Variants in ZNF286A observed in about 807,000 individuals in gnomAD.
ZNF286A encodes the protein zinc finger protein 286A.
In ZNF286A, 34 loss-of-function variants were observed where a neutral mutation model predicts 49.3. That is an observed-to-expected ratio of 0.69 (90% CI 0.52 to 0.92). ZNF286A has a LOEUF of 0.92. Ranked by LOEUF, ZNF286A falls within the 40% of genes least tolerant of loss-of-function variation. The pLI is 0.00. For synonymous variants in ZNF286A, 155 were observed against 200.4 expected (o/e 0.77, Z 1.91); for missense variants, 462 against 600.2 (o/e 0.77, Z 2.41).
Position 15,699,851 on chromosome 17 carries a change from G to C in ZNF286A, c.-196+74G>C, listed in dbSNP as rs1989628121. On this transcript the variant is annotated intron_variant, in intron 1 of 5. Coordinates refer to ENST00000583566, the MANE Select transcript of ZNF286A (RefSeq NM_001130842.2). ...GGTTCCCCGGGTCGTTCTGTGCCGA[G>C]TCGGGGCTAGAGTGCGCGTTTGTTA... The C allele has an allele frequency of 7.1e-6, 5 of 702,396 alleles. No individual in the cohort carries two copies. The Admixed American group carries it at 1.0e-4, about 14-fold the overall frequency. 43.5% of individuals were successfully genotyped at this position (702,396 alleles called of 1,614,324 possible).
intron 5 of ZNF286A, chr17:15,709,872 A>C (rs1417941213): frequency 6.5e-7 from 1 of 1,545,734 alleles, no homozygotes; most frequent in African/African-American, 1.4e-5. Context: ...GAGCTGGTTT[A>C]GGGAGATAAC....
rs1416340888 is a variant in ZNF286A at position 15,718,382 on chromosome 17, T to G, written c.*1092T>G. 6.7e-6 allele frequency: 1 copy of G among 149,358 alleles called. No individual in the cohort carries two copies. Among genetic ancestry groups the G allele is most frequent in the South Asian group, 2.2e-4 (1 of 4,582 alleles). The allele number at this position is 149,358 out of a possible 1,614,324, so 9.3% of individuals were successfully genotyped here. ...GTCCTTCCTTTCTTATCCTTGGCAC[T>G]GAATAAATCTTTGGTTTTCCATAAT... On this transcript the variant is annotated 3_prime_UTR_variant, in exon 6 of 6. Transcript: ENST00000583566.
At position 15,716,454 on chromosome 17, in the gene ZNF286A, A is replaced by C; in HGVS notation, c.730A>C (p.Lys244Gln). 6.2e-7 allele frequency: 1 copy of C among 1,613,624 alleles called. No individual in the cohort carries two copies. Among genetic ancestry groups the C allele is most frequent in the Non-Finnish European group, 8.5e-7 (1 of 1,179,872 alleles). ...QRTYKEKKPH[K>Q]CNDCGELFTY... ...AACTTATAAAGAGAAAAAACCTCAT[A>C]AATGTAATGATTGTGGTGAACTCTT... Residue 244 changes from lysine to glutamine, a missense_variant, in exon 6 of 6, where the codon AAA (lysine) becomes CAA (glutamine). Physicochemically the swap from Lys to Gln is moderately conservative, Grantham distance 53. This residue lies in a region of ZNF286A where 259 missense variants were observed against 272.2 expected (regional missense o/e 0.95). Transcript: ENST00000583566.
At position 15,716,399 on chromosome 17, in the gene ZNF286A, A is replaced by G. The variant is rs1967054173; in HGVS notation, c.675A>G (p.Lys225=). ...YAFHTLEKSL[K]QKSNLMKKQR... is the part of the protein sequence containing the mutation. ...TCCATACACTTGAAAAAAGCTTGAA[A>G]CAAAAATCAAACTTAATGAAAAAGC... The change falls in exon 6 of 6, where the codon AAA becomes AAG. Residue 225 remains lysine, a synonymous_variant. Transcript: ENST00000583566. 27 of 1,613,534 alleles carry G rather than the reference A, an allele frequency of 1.7e-5. No homozygotes were observed. The highest frequency in any genetic ancestry group is 2.2e-5 in the Non-Finnish European group (26 of 1,179,826).
At chr17:15,706,853 A>G (rs9915827) in intron 4 of ZNF286A, among the ~76,000 whole-genome samples, 19,061 of 152,078 alleles carry the variant, frequency 0.13, 1,791 homozygotes, top group African/African-American at 0.26. Flanking sequence ...TATTCCTAGG[A>G]TTTCCCCATG....
chr17:15,716,124 T>C lies in ZNF286A; in HGVS notation c.400T>C (p.Cys134Arg), dbSNP rs765388772. 21 of 1,613,890 alleles carry C rather than the reference T, an allele frequency of 1.3e-5. 1 individual carries two copies. In the South Asian group the frequency reaches 2.1e-4, roughly 16 times the overall value. The change falls in exon 6 of 6, where the codon TGC becomes CGC. Residue 134 changes from cysteine to arginine, a missense_variant. By Grantham distance (180) the Cys-to-Arg change is radical. This residue lies in a region of ZNF286A where 259 missense variants were observed against 272.2 expected (regional missense o/e 0.95). Coordinates refer to ENST00000583566, the MANE Select transcript of ZNF286A (RefSeq NM_001130842.2). Reference protein sequence around the residue: ...SVQDFSKAESCKVAIIDRLTR... With the variant: ...SVQDFSKAESRKVAIIDRLTR... ...GCAAGATTTTTCCAAAGCAGAATCA[T>C]GCAAAGTTGCAATAATAGACAGACT...
rs755183214 is a variant in ZNF286A at position 15,699,765 on chromosome 17, C to T, written c.-208C>T. ...AAAGAAGTTCGTCCCCTTTGTGAGG[C>T]CCGGGATGGGAGGTGAGTTGCTTGT... On this transcript the variant is annotated 5_prime_UTR_variant, in exon 1 of 6. Coordinates refer to ENST00000583566, the MANE Select transcript of ZNF286A (RefSeq NM_001130842.2). 61 of 702,786 alleles carry T rather than the reference C, an allele frequency of 8.7e-5. No individual in the cohort carries two copies. The highest frequency in any genetic ancestry group is 6.2e-4 in the Admixed American group (31 of 49,994). The allele number at this position is 702,786 out of a possible 1,614,324, so 43.5% of individuals were successfully genotyped here. A position where few individuals can be genotyped will look rare whatever the true frequency, so the allele number is the denominator to read the frequency against.
intron 3 of ZNF286A, chr17:15,704,705 G>A: frequency 1.9e-6 from 3 of 1,613,858 alleles, no homozygotes; most frequent in Non-Finnish European, 2.5e-6. Context: ...TCCTTCCCCA[G>A]CAGGAGTTTC....
intron 3 of ZNF286A, chr17:15,704,329 G>T: frequency 6.2e-7 from 1 of 1,610,868 alleles, no homozygotes; most frequent in South Asian, 1.1e-5. Flanking sequence ...GGGACCCTCA[G>T]CCCCTCCCAG....
intron 4 of ZNF286A, among the ~76,000 whole-genome samples, chr17:15,707,379 G>A (rs984362356): frequency 2.0e-5 from 3 of 150,836 alleles, no homozygotes; most frequent in African/African-American, 4.9e-5. Flanking sequence ...GGCGGAGCTT[G>A]CAGTGAGCCG....
chr17:15,714,017 C>T (rs1966897950), intron 5 of ZNF286A, among the ~76,000 whole-genome samples: 2 of 152,004 alleles, frequency 1.3e-5, no homozygotes, highest in South Asian at 4.2e-4. Context: ...CAAATGATTG[C>T]ATGGTATATT....
At chr17:15,704,609 C>A in intron 3 of ZNF286A, 1 of 1,614,048 alleles carries the variant, frequency 6.2e-7, no homozygotes, top group South Asian at 1.1e-5. Flanking sequence ...CTCTTGAGCA[C>A]GTTGACGCAG....
intron 5 of ZNF286A, among the ~76,000 whole-genome samples, chr17:15,715,218 A>AT (rs893026048): frequency 6.7e-5 from 10 of 149,042 alleles, no homozygotes; most frequent in East Asian, 5.9e-4. Context: ...TCCTTTTTTT[A>AT]TTTTTTTTTA....
At chr17:15,704,914 C>T (rs1373949336) in intron 3 of ZNF286A, 52 of 1,580,214 alleles carry the variant, frequency 3.3e-5, no homozygotes, top group Non-Finnish European at 4.1e-5. Flanking sequence ...TGCGGCCGGC[C>T]GGGGGCGGGT....
At chr17:15,709,581 A>G (rs1419868360) in intron 5 of ZNF286A, among the ~76,000 whole-genome samples, 1 of 152,010 alleles carries the variant, frequency 6.6e-6, no homozygotes, top group Non-Finnish European at 1.5e-5. Context: ...GGTGTGAATC[A>G]TTTCGGTGTT....
chr17:15,704,735 CA>C (rs1193907659), intron 3 of ZNF286A: 1 of 1,612,924 alleles, frequency 6.2e-7, no homozygotes, highest in Non-Finnish European at 8.5e-7. Flanking sequence ...AGACCTCCAG[CA>C]TATGGGGTCC....
chr17:15,711,078 AT>A (rs552645244), intron 5 of ZNF286A, among the ~76,000 whole-genome samples: 7 of 151,136 alleles, frequency 4.6e-5, no homozygotes, highest in South Asian at 4.2e-4. Context: ...AACCCGGCTA[AT>A]TTTTTTTTAT....
chr17:15,711,129 G>A lies in ZNF286A; in HGVS notation c.334+2882G>A, dbSNP rs562908307. Among the ~76,000 whole-genome samples, 69 of 152,044 alleles carry A rather than the reference G, an allele frequency of 4.5e-4. 1 individual carries two copies. The highest frequency in any genetic ancestry group is 1.6e-3 in the African/African-American group (67 of 41,486). On this transcript the variant is annotated intron_variant, in intron 5 of 5. Coordinates refer to ENST00000583566, the MANE Select transcript of ZNF286A (RefSeq NM_001130842.2). ...AGGTTTCACCGTGTTAGCCAGGGTGGTCTCGATCTCCTGACCTCATGATCC... is the reference window on the plus strand; with the variant it reads ...AGGTTTCACCGTGTTAGCCAGGGTGATCTCGATCTCCTGACCTCATGATCC...
At chr17:15,704,068 T>C (rs77670397) in intron 3 of ZNF286A, among the ~76,000 whole-genome samples, 2 of 140,578 alleles carry the variant, frequency 1.4e-5, no homozygotes, top group Admixed American at 7.0e-5. Context: ...TTATTATTAT[T>C]TTTTTTTTTT....
Sources: gnomAD v4.1 joint callset for allele counts (sites outside exome capture counted in the v4.1 genomes callset) on GRCh38, gnomAD v4.1.1 for gene constraint, gnomAD v4.1.1 regional missense constraint, MANE v1.5 for transcripts, NCBI Gene and HGNC (gene_info 2026-07-23, HGNC 2026-07-21) for gene names.